LRRC27: variants seen among roughly 807,000 people sequenced by gnomAD.
LRRC27 encodes the protein leucine-rich repeat-containing protein 27.
In LRRC27, 57 loss-of-function variants were observed where a neutral mutation model predicts 55.0. The ratio of observed to expected loss-of-function variants is 1.04; its 90% CI spans 0.84 to 1.29. LRRC27 has a LOEUF of 1.29. Among genes scored for constraint, LRRC27 ranks in the 50% most tolerant of loss-of-function variants. LRRC27 has a pLI of 0.00. For synonymous variants in LRRC27, 278 were observed against 251.9 expected, an observed-to-expected ratio of 1.10 and a Z score of -0.98; for missense variants, 721 against 651.5, an observed-to-expected ratio of 1.11 and a Z score of -1.16.
chr10:132,336,377 C>G (rs2138607492), intron 2 of LRRC27, among the ~76,000 whole-genome samples: 1 of 152,320 alleles, frequency 6.6e-6, no homozygotes, highest in Middle Eastern at 3.4e-3. Flanking sequence ...TTTCTGGAGA[C>G]CGAGCCAGCT....
intron 10 of LRRC27, among the ~76,000 whole-genome samples, chr10:132,370,016 C>G (rs1462027696): frequency 6.6e-6 from 1 of 152,142 alleles, no homozygotes; most frequent in African/African-American, 2.4e-5. Flanking sequence ...GGCGGTGCCA[C>G]CCATTTCACA....
At chr10:132,343,894 C>G (rs1834682224) in intron 4 of LRRC27, among the ~76,000 whole-genome samples, 1 of 152,262 alleles carries the variant, frequency 6.6e-6, no homozygotes, top group South Asian at 2.1e-4. Flanking sequence ...CCCACCAGCC[C>G]ACTGCCCACC....
intron 6 of LRRC27, 97 bp from the exon 7 acceptor site, chr10:132,351,510 A>G (rs1023909359): frequency 7.3e-7 from 1 of 1,365,524 alleles, no homozygotes; most frequent in African/African-American, 1.4e-5. Flanking sequence ...AGATGAGCGG[A>G]TGATCCACAG....
At chr10:132,346,328 GT>G (rs2067684655) in intron 5 of LRRC27, among the ~76,000 whole-genome samples, 1 of 152,370 alleles carries the variant, frequency 6.6e-6, no homozygotes, top group African/African-American at 2.4e-5. Flanking sequence ...GCCACATAGA[GT>G]GATTTTTCAG....
rs1030711695 is a variant in LRRC27 at position 132,379,968 on chromosome 10, T to C, written c.*4726T>C. 1 of 152,230 alleles carries C rather than the reference T, an allele frequency of 6.6e-6. No homozygotes were observed. Among genetic ancestry groups the C allele is most frequent in the Non-Finnish European group, 1.5e-5 (1 of 68,074 alleles). 9.4% of individuals were successfully genotyped at this position (152,230 alleles called of 1,614,324 possible). ...ATGCATAAAATATACAGACCATACA[T>C]GGACCATTCACAGTAGAGAGAAATG... On this transcript the variant is annotated 3_prime_UTR_variant, in exon 11 of 11. Coordinates refer to ENST00000368614, the MANE Select transcript of LRRC27 (RefSeq NM_030626.3).
At chr10:132,353,234 T>C in intron 7 of LRRC27, 2 of 1,313,132 alleles carry the variant, frequency 1.5e-6, no homozygotes, top group Non-Finnish European at 2.0e-6. Flanking sequence ...TGCCTGGAGC[T>C]GGCCGAGTCC....
intron 9 of LRRC27, among the ~76,000 whole-genome samples, chr10:132,364,416 CGCTT>C (rs2068842889): frequency 6.7e-6 from 1 of 148,656 alleles, no homozygotes; most frequent in Non-Finnish European, 1.5e-5. Context: ...TCCACACCCG[CGCTT>C]ACACCCACGC....
chr10:132,366,973 C>T (rs1161906865), intron 10 of LRRC27: 4 of 1,269,398 alleles, frequency 3.2e-6, no homozygotes, highest in East Asian at 1.2e-4. Context: ...TTTGTATCTG[C>T]CTTTAGATAA....
Position 132,348,252 on chromosome 10 carries a change from G to GGCA in LRRC27, c.824_826dup (p.Ala275dup). On this transcript the variant is annotated inframe_insertion, in exon 6 of 11. Coordinates refer to ENST00000368614, the MANE Select transcript of LRRC27 (RefSeq NM_030626.3). This position sits in a 1 kb window ranked among gnomAD's most constrained non-coding sequence, Gnocchi z 4.2. ...GGCAGGAGATTGTTGAGCACGTGAA[G>GGCA]GCAGACGTTCTGGGAGATCAGCTCT... is the stretch of plus-strand genomic sequence containing the variant. 1 of 1,614,072 alleles carries GGCA rather than the reference G, an allele frequency of 6.2e-7. No individual in the cohort carries two copies. The highest frequency in any genetic ancestry group is 1.7e-5 in the Admixed American group (1 of 60,024).
Position 132,351,611 on chromosome 10 carries a change from A to G in LRRC27, c.931A>G (p.Lys311Glu). The change falls in exon 7 of 11, where the codon AAG becomes GAG. Residue 311 changes from lysine (K) to glutamate (E), a missense_variant. Transcript: ENST00000368614. ...AAAAACACTCTGTAATTTTAGAAGG[A>G]AGACAGCCTCCTCCAGGAGCATCTT... ...LPKPRHVFRR[K>E]TASSRSILPD... 1 of 1,611,404 alleles carries G rather than the reference A, an allele frequency of 6.2e-7. No homozygotes were observed. The highest frequency in any genetic ancestry group is 8.5e-7 in the Non-Finnish European group (1 of 1,179,220).
chr10:132,331,423 T>G (rs778533378), upstream of LRRC27: 1 of 1,604,182 alleles, frequency 6.2e-7, no homozygotes, highest in African/African-American at 1.3e-5. Flanking sequence ...AAACCCTTCC[T>G]CAGGACACTC....
intron 6 of LRRC27, 143 bp from the exon 7 acceptor site, chr10:132,351,464 T>G: frequency 1.1e-6 from 1 of 906,462 alleles, no homozygotes; most frequent in Non-Finnish European, 1.7e-6. Context: ...GACTGGACTC[T>G]GGGGTGACTG....
chr10:132,379,225 G>A lies in LRRC27; in HGVS notation c.*3983G>A, dbSNP rs1237148949. 2 of 137,192 alleles carry A rather than the reference G, an allele frequency of 1.5e-5. No homozygotes were observed. Among genetic ancestry groups the A allele is most frequent in the Non-Finnish European group, 3.0e-5 (2 of 65,796 alleles). The allele number at this position is 137,192 out of a possible 1,614,324, so 8.5% of individuals were successfully genotyped here. ...TTTCCTCTCACCTCCGTGTTCTCGG[G>A]GAGTGCGTGGTCTCAGATCCCATCC... is the stretch of plus-strand genomic sequence containing the variant. On this transcript the variant is annotated 3_prime_UTR_variant, in exon 11 of 11. Coordinates refer to ENST00000368614, the MANE Select transcript of LRRC27 (RefSeq NM_030626.3).
At chr10:132,364,005 G>A (rs1383177865) in intron 9 of LRRC27, among the ~76,000 whole-genome samples, 1 of 151,976 alleles carries the variant, frequency 6.6e-6, no homozygotes, top group Non-Finnish European at 1.5e-5. Context: ...ACATCCTCCA[G>A]GGAGTTTACC....
At position 132,364,516 on chromosome 10, in the gene LRRC27, C is replaced by CCCACAA. The variant is rs2068888038; in HGVS notation, c.1290-908_1290-907insCCACAA. 1.7e-5 allele frequency among the ~76,000 whole-genome samples: 2 copies of CCCACAA among 117,056 alleles called. 1 individual carries two copies. Among genetic ancestry groups the CCCACAA allele is most frequent in the Non-Finnish European group, 3.4e-5 (2 of 59,206 alleles). The allele number at this position is 117,056 out of a possible 152,430, so 76.8% of individuals were successfully genotyped here. On this transcript the variant is annotated intron_variant, in intron 9 of 10. Transcript: ENST00000368614. ...ACCCACCCTTACATCTACCTCCACA[C>CCCACAA]TCGCACTTACACCCACACTTAAATC...
rs575408682 is a variant in LRRC27, at chr10:132,351,446, A to G, written c.927-161A>G. The G allele has an allele frequency of 1.5e-5, 12 of 780,958 alleles. No homozygotes were observed. In the East Asian group the frequency reaches 2.0e-4, roughly 13 times the overall value. The allele number at this position is 780,958 out of a possible 1,614,324, so 48.4% of individuals were successfully genotyped here. On this transcript the variant is annotated intron_variant, in intron 6 of 10. Transcript: ENST00000368614. Reference sequence around the variant, plus strand: ...ATCTTCATTACGTGTCCTGAAATCAACAGTCAAGACTGGACTCTGGGGTGA... The same window carrying G: ...ATCTTCATTACGTGTCCTGAAATCAGCAGTCAAGACTGGACTCTGGGGTGA...
chr10:132,338,689 C>T (rs1390985621), intron 3 of LRRC27, among the ~76,000 whole-genome samples: 1 of 151,700 alleles, frequency 6.6e-6, no homozygotes, highest in Non-Finnish European at 1.5e-5. Context: ...TTGCCCTTAA[C>T]TCTTTTTCTT....
chr10:132,355,900 G>A lies in LRRC27; in HGVS notation c.1170+14G>A, dbSNP rs1166495401. 1.5e-5 allele frequency: 23 copies of A among 1,542,690 alleles called. No homozygotes were observed. The Middle Eastern group carries it at 5.1e-4, about 34-fold the overall frequency. On this transcript the variant is annotated intron_variant, in intron 8 of 10. Transcript: ENST00000368614. ...CGGAGGAGCATGGTACGGCACGCGC[G>A]GGCGGTGACCGGGCACTAGTCCAGT...
rs2068285201 is a variant in LRRC27 at position 132,355,885 on chromosome 10, T to C, written c.1169T>C (p.Met390Thr). ...AAACTCCTGCCTCCGCGGAGGAGCA[T>C]GGTACGGCACGCGCGGGCGGTGACC... ...LSKLLPPRRS[M>T]VASKIPSATD... Residue 390 changes from methionine to threonine, a missense_variant and splice_region_variant, in exon 8 of 11, where the codon ATG becomes ACG. Met to Thr is a moderately conservative substitution (Grantham distance 81, BLOSUM62 -1). Coordinates refer to ENST00000368614, the MANE Select transcript of LRRC27 (RefSeq NM_030626.3). 6.4e-7 allele frequency: 1 copy of C among 1,552,256 alleles called. No homozygotes were observed. Among genetic ancestry groups the C allele is most frequent in the Non-Finnish European group, 8.7e-7 (1 of 1,147,338 alleles).
Sources: allele counts gnomAD v4.1 joint callset (sites outside exome capture counted in the v4.1 genomes callset), GRCh38; gene constraint gnomAD v4.1.1; non-coding constraint Gnocchi (gnomAD v3.1); transcripts MANE v1.5; gene names NCBI Gene and HGNC (gene_info 2026-07-23, HGNC 2026-07-21).